PSD3: variants seen among roughly 807,000 people sequenced by gnomAD.
The protein encoded by PSD3 is PH and SEC7 domain-containing protein 3.
PSD3 carries 49 observed loss-of-function variants against 105.5 expected under a neutral mutation model. The ratio of observed to expected loss-of-function variants is 0.46; its 90% CI spans 0.37 to 0.59. The LOEUF is 0.59. PSD3 is among the 20% of genes least tolerant of loss of function. The pLI, the probability that PSD3 is intolerant of heterozygous loss-of-function variation, is 0.00. For synonymous variants in PSD3, 557 were observed against 457.8 expected, an observed-to-expected ratio of 1.22 and a Z score of -2.77; for missense variants, 1,561 against 1,263.8, an observed-to-expected ratio of 1.24 and a Z score of -3.57.
chr8:18,596,471 G>A (rs892548406), intron 12 of PSD3, among the ~76,000 whole-genome samples: 1 of 151,742 alleles, frequency 6.6e-6, no homozygotes, highest in Middle Eastern at 3.2e-3. Context: ...AAATGAAATA[G>A]AGAAATGAAA....
rs559576664 is a variant in PSD3 at position 18,579,595 on chromosome 8, A to C, written c.2482-4310T>G. ...ATGCTATTTATTTTAAATCCATTAA[A>C]AGCATGAAATAAAAAGCTTTTTTTC... On this transcript the variant is annotated intron_variant, in intron 12 of 15. Coordinates refer to ENST00000327040, the MANE Select transcript of PSD3 (RefSeq NM_015310.4). Among the ~76,000 whole-genome samples the C allele has an allele frequency of 8.7e-4, 132 of 152,350 alleles. 1 individual carries two copies. Among genetic ancestry groups the C allele is most frequent in the African/African-American group, 3.1e-3 (127 of 41,592 alleles).
rs139281259 is a variant in PSD3, at chr8:19,043,020, A to G, written c.324+41186T>C. ...CAATTCAACCTACCTCCTCTCCCCA[A>G]TAATCTGGTTCTTATCCATAAACTA... On this transcript the variant is annotated intron_variant, in intron 1 of 1. Transcript: ENST00000521475. 4.9e-3 allele frequency among the ~76,000 whole-genome samples: 751 copies of G among 152,288 alleles called. 7 individuals carry two copies. The highest frequency in any genetic ancestry group is 0.017 in the African/African-American group (715 of 41,556).
intron 4 of PSD3, among the ~76,000 whole-genome samples, chr8:18,824,129 T>A (rs1812982656): frequency 6.6e-6 from 1 of 152,196 alleles, no homozygotes; most frequent in Admixed American, 6.5e-5. Context: ...GGTATGATCA[T>A]GCCACTGCAC....
At chr8:19,049,147 G>C (rs374421649) in intron 1 of PSD3, among the ~76,000 whole-genome samples, 1 of 151,990 alleles carries the variant, frequency 6.6e-6, no homozygotes, top group Non-Finnish European at 1.5e-5. Context: ...AGGCCCTATC[G>C]CCAAATACAG....
intron 9 of PSD3, among the ~76,000 whole-genome samples, chr8:18,753,888 C>T (rs1805805720): frequency 6.6e-6 from 1 of 152,136 alleles, no homozygotes; most frequent in Non-Finnish European, 1.5e-5. Context: ...CTACTGACGA[C>T]ACAGATTTGA....
At chr8:18,923,247 C>T (rs984720988) in intron 2 of PSD3, among the ~76,000 whole-genome samples, 1 of 152,158 alleles carries the variant, frequency 6.6e-6, no homozygotes, top group East Asian at 1.9e-4. Flanking sequence ...TGTTGTGCCA[C>T]ATTCAAAGCT....
chr8:18,657,777 C>A (rs1413964083), intron 9 of PSD3, among the ~76,000 whole-genome samples: 1 of 152,104 alleles, frequency 6.6e-6, no homozygotes, highest in African/African-American at 2.4e-5. Context: ...TGAGAAACTA[C>A]AAATGAAAAG....
intron 1 of PSD3, among the ~76,000 whole-genome samples, chr8:18,997,766 C>T (rs1274249280): frequency 3.8e-5 from 5 of 130,642 alleles, no homozygotes; most frequent in African/African-American, 5.7e-5. Context: ...GCCCTCTTCC[C>T]GGTGCACTTA....
chr8:18,677,560 T>C (rs1800128813), intron 9 of PSD3, among the ~76,000 whole-genome samples: 1 of 152,104 alleles, frequency 6.6e-6, no homozygotes, highest in Non-Finnish European at 1.5e-5. Flanking sequence ...AAAGTTTTTA[T>C]TTTGGGGCAA....
At chr8:18,626,072 T>C (rs983333736) in intron 11 of PSD3, among the ~76,000 whole-genome samples, 1 of 152,116 alleles carries the variant, frequency 6.6e-6, no homozygotes, top group Admixed American at 6.6e-5. Flanking sequence ...AGCTTTCCCT[T>C]AATGTCAGAT....
At chr8:19,046,091 G>A (rs1291721633) in intron 1 of PSD3, among the ~76,000 whole-genome samples, 1 of 152,066 alleles carries the variant, frequency 6.6e-6, no homozygotes, top group Non-Finnish European at 1.5e-5. Flanking sequence ...TATAGAACAA[G>A]GGTGAAGTAA....
chr8:18,698,467 G>A (rs1477229656), intron 9 of PSD3, among the ~76,000 whole-genome samples: 3 of 151,998 alleles, frequency 2.0e-5, no homozygotes, highest in Admixed American at 6.6e-5. Context: ...CAGAGAAGAC[G>A]GGATGACAGA....
intron 1 of PSD3, among the ~76,000 whole-genome samples, chr8:19,057,160 C>G (rs1374037561): frequency 6.6e-6 from 1 of 152,138 alleles, no homozygotes; most frequent in Non-Finnish European, 1.5e-5. Flanking sequence ...ACATGTTTGA[C>G]TATCTCTTTA....
Position 18,606,435 on chromosome 8 carries a change from C to T in PSD3, c.2411-6001G>A, listed in dbSNP as rs943146611. Among the ~76,000 whole-genome samples the T allele has an allele frequency of 1.2e-4, 18 of 152,162 alleles. 1 individual carries two copies. The highest frequency in any genetic ancestry group is 3.3e-4 in the Admixed American group (5 of 15,278). On this transcript the variant is annotated intron_variant, in intron 11 of 15. Coordinates refer to ENST00000327040, the MANE Select transcript of PSD3 (RefSeq NM_015310.4). ...AGGATTTCCCTTTCATTGTTACAGG[C>T]TTATCCATTCAGATAAAAGTTATCT...
At chr8:18,661,672 A>T (rs1222507448) in intron 9 of PSD3, among the ~76,000 whole-genome samples, 1 of 152,130 alleles carries the variant, frequency 6.6e-6, no homozygotes, top group African/African-American at 2.4e-5. Flanking sequence ...GTACCAAATA[A>T]GGTTATAGGT....
intron 2 of PSD3, among the ~76,000 whole-genome samples, chr8:18,918,164 A>T (rs1820746335): frequency 6.6e-6 from 1 of 152,124 alleles, no homozygotes; most frequent in Non-Finnish European, 1.5e-5. Context: ...TGCCCACCTG[A>T]AGTCTTCTAG....
intron 9 of PSD3, among the ~76,000 whole-genome samples, chr8:18,685,415 A>G (rs1289635436): frequency 8.4e-5 from 12 of 142,576 alleles, no homozygotes; most frequent in Admixed American, 2.8e-4. Context: ...TATCCTTTAC[A>G]TTTTTTTTTT....
rs1050235841 is a variant in PSD3 at position 18,532,295 on chromosome 8, G to A, written c.*3448C>T. ...CAAAAATTCTTCCACAATCTCAGAAGTTCTGTAGCTTGGCCACAGGGTGAA... is the reference window on the plus strand; with the variant it reads ...CAAAAATTCTTCCACAATCTCAGAAATTCTGTAGCTTGGCCACAGGGTGAA... On this transcript the variant is annotated 3_prime_UTR_variant, in exon 16 of 16. Transcript: ENST00000327040. The A allele has an allele frequency of 6.6e-6, 1 of 152,236 alleles. No individual in the cohort carries two copies. Among genetic ancestry groups the A allele is most frequent in the Non-Finnish European group, 1.5e-5 (1 of 68,060 alleles). 9.4% of individuals were successfully genotyped at this position (152,236 alleles called of 1,614,324 possible). A position where few individuals can be genotyped will look rare whatever the true frequency, so the allele number is the denominator to read the frequency against.
chr8:18,572,416 C>T (rs531465944), intron 14 of PSD3, 112 bp downstream of exon 14: 9 of 1,316,170 alleles, frequency 6.8e-6, no homozygotes, highest in South Asian at 4.2e-5. Flanking sequence ...TCTCACAGGG[C>T]AAGGTCTCAC....
Sources: gnomAD v4.1 joint callset for allele counts (sites outside exome capture counted in the v4.1 genomes callset) on GRCh38, gnomAD v4.1.1 for gene constraint, MANE v1.5 for transcripts, NCBI Gene and HGNC (gene_info 2026-07-23, HGNC 2026-07-21) for gene names.